ZNF609: variants seen among roughly 807,000 people sequenced by gnomAD.
The protein encoded by ZNF609 is zinc finger protein 609.
Under a neutral mutation model 109.5 loss-of-function variants are expected in ZNF609, and 11 were observed. The ratio of observed to expected loss-of-function variants is 0.10; its 90% CI spans 0.06 to 0.17. ZNF609 has a LOEUF of 0.17. Among genes scored for constraint, ZNF609 ranks in the 10% least tolerant of loss-of-function variants. The pLI, the probability that ZNF609 is intolerant of heterozygous loss-of-function variation, is 1.00. For synonymous variants in ZNF609, 646 were observed against 662.0 expected, an observed-to-expected ratio of 0.98 and a Z score of 0.37; for missense variants, 1,559 against 1,772.4, an observed-to-expected ratio of 0.88 and a Z score of 2.16.
intron 3 of ZNF609, among the ~76,000 whole-genome samples, chr15:64,658,114 A>G (rs1435844924): frequency 6.6e-6 from 1 of 152,218 alleles, no homozygotes; most frequent in African/African-American, 2.4e-5. Context: ...AGGCAGAAGG[A>G]AAACAATGCT....
At chr15:64,672,373 C>T (rs1896745239) in intron 4 of ZNF609, among the ~76,000 whole-genome samples, 1 of 148,582 alleles carries the variant, frequency 6.7e-6, no homozygotes, top group African/African-American at 2.5e-5. Flanking sequence ...GCCTGTAATC[C>T]CAGCACTTTG....
At chr15:64,653,543 G>A (rs1896447280) in intron 3 of ZNF609, among the ~76,000 whole-genome samples, 1 of 152,206 alleles carries the variant, frequency 6.6e-6, no homozygotes, top group Admixed American at 6.5e-5. Flanking sequence ...CTACTTGGGA[G>A]GCTGAGGCAG....
chr15:64,639,746 T>C (rs1896226214), intron 3 of ZNF609, among the ~76,000 whole-genome samples: 1 of 152,100 alleles, frequency 6.6e-6, no homozygotes, highest in Non-Finnish European at 1.5e-5. Flanking sequence ...CACAGTTCAA[T>C]TCATAAAAGG....
chr15:64,645,153 C>G (rs1187351296), intron 3 of ZNF609, among the ~76,000 whole-genome samples: 1 of 125,144 alleles, frequency 8.0e-6, no homozygotes, highest in Non-Finnish European at 1.6e-5. Flanking sequence ...TACAGTGGTG[C>G]AGTCTTGGCT....
At chr15:64,467,541 A>G (rs545684897) in intron 1 of ZNF609, among the ~76,000 whole-genome samples, 2 of 152,328 alleles carry the variant, frequency 1.3e-5, no homozygotes, top group Non-Finnish European at 2.9e-5. Flanking sequence ...TAATTAATAA[A>G]ATACTTTAGA....
chr15:64,512,897 A>G (rs1196537100), intron 2 of ZNF609, among the ~76,000 whole-genome samples: 3 of 152,160 alleles, frequency 2.0e-5, no homozygotes, highest in Non-Finnish European at 4.4e-5. Context: ...TGTGTGTCAC[A>G]TGGGTTTGGC....
intron 2 of ZNF609, among the ~76,000 whole-genome samples, chr15:64,609,062 ATT>A (rs3057836): frequency 9.4e-6 from 1 of 105,954 alleles, no homozygotes; most frequent in African/African-American, 3.7e-5. Flanking sequence ...TTTAGTTTTA[ATT>A]TTTCTTTCTT....
intron 1 of ZNF609, among the ~76,000 whole-genome samples, chr15:64,483,070 AGT>A (rs963150442): frequency 2.0e-5 from 3 of 151,990 alleles, no homozygotes; most frequent in Admixed American, 2.0e-4. Context: ...ATTTGATTAC[AGT>A]GTGCTGTTTC....
At chr15:64,575,419 C>A (rs1894934878) in intron 2 of ZNF609, among the ~76,000 whole-genome samples, 1 of 147,138 alleles carries the variant, frequency 6.8e-6, no homozygotes, top group Admixed American at 6.8e-5. Flanking sequence ...AACTCCATTT[C>A]AAAAAAAAAA....
At chr15:64,662,378 TGCAGGG>T (rs1470152559) in intron 3 of ZNF609, among the ~76,000 whole-genome samples, 1 of 151,642 alleles carries the variant, frequency 6.6e-6, no homozygotes, top group Admixed American at 6.6e-5. Context: ...TAGGCTGGAG[TGCAGGG>T]GCAACATCTC....
chr15:64,606,558 CAAAAA>C (rs71133455), intron 2 of ZNF609, among the ~76,000 whole-genome samples: 1 of 92,688 alleles, frequency 1.1e-5, no homozygotes, highest in Admixed American at 1.2e-4. Context: ...GACTCCATCT[CAAAAA>C]AAAAAAAAAA....
chr15:64,675,260 C>G lies in ZNF609; in HGVS notation c.2406C>G (p.Ala802=), dbSNP rs764088398. Residue 802 remains alanine (A), a synonymous_variant, in exon 5 of 10, where the codon GCC becomes GCG. Transcript: ENST00000326648. ...ADKIYSFTDN[A]PSPSIGGSSR... The stretch of plus-strand genomic sequence containing the variant: ...AGATCTACAGTTTCACGGACAATGC[C>G]CCCAGCCCTTCCATTGGAGGCAGTA... 3.1e-6 allele frequency: 5 copies of G among 1,614,056 alleles called. No individual in the cohort carries two copies. The Admixed American group carries it at 5.0e-5, about 16-fold the overall frequency.
chr15:64,593,730 A>G (rs1391889670), intron 2 of ZNF609, among the ~76,000 whole-genome samples: 2 of 152,176 alleles, frequency 1.3e-5, no homozygotes, highest in Non-Finnish European at 2.9e-5. Context: ...GGGTTTCACC[A>G]TGTTGCCCAG....
At chr15:64,559,760 T>C (rs1368863218) in intron 2 of ZNF609, among the ~76,000 whole-genome samples, 1 of 152,236 alleles carries the variant, frequency 6.6e-6, no homozygotes, top group African/African-American at 2.4e-5. Context: ...ATTTATTGAA[T>C]AAATGAATTT....
At chr15:64,523,034 T>C (rs1326904512) in intron 2 of ZNF609, among the ~76,000 whole-genome samples, 1 of 152,082 alleles carries the variant, frequency 6.6e-6, no homozygotes, top group African/African-American at 2.4e-5. Flanking sequence ...TATTTATTGT[T>C]CCTTTTAAAT....
At chr15:64,495,379 G>C (rs1259652564) in intron 1 of ZNF609, among the ~76,000 whole-genome samples, 1 of 152,010 alleles carries the variant, frequency 6.6e-6, no homozygotes, top group Non-Finnish European at 1.5e-5. Flanking sequence ...TAGTATTTCA[G>C]GTAGTTTTTT....
chr15:64,578,890 C>T (rs1169529618), intron 2 of ZNF609, among the ~76,000 whole-genome samples: 2 of 152,028 alleles, frequency 1.3e-5, no homozygotes, highest in African/African-American at 4.8e-5. Context: ...GTCCTGGCTA[C>T]TCTAGAGGCT....
At chr15:64,529,262 G>T in intron 2 of ZNF609, 6 of 714,728 alleles carry the variant, frequency 8.4e-6, no homozygotes, top group Non-Finnish European at 1.5e-5. Flanking sequence ...ACTTCTCATG[G>T]TTCACGCCCA....
chr15:64,575,700 T>G (rs1174845810), intron 2 of ZNF609, among the ~76,000 whole-genome samples: 2 of 152,206 alleles, frequency 1.3e-5, no homozygotes, highest in Non-Finnish European at 2.9e-5. Context: ...GTTATGAAAT[T>G]TAAGCAAGGT....
Sources: allele counts gnomAD v4.1 joint callset (sites outside exome capture counted in the v4.1 genomes callset), GRCh38; gene constraint gnomAD v4.1.1; transcripts MANE v1.5; gene names NCBI Gene and HGNC (gene_info 2026-07-23, HGNC 2026-07-21).